PCDHGA6: variants seen among roughly 807,000 people sequenced by gnomAD.
PCDHGA6 encodes the protein protocadherin gamma-A6.
A neutral mutation model predicts 60.6 loss-of-function variants in PCDHGA6; 41 were observed. The observed-to-expected ratio is 0.68, with a 90% CI of 0.53 to 0.88. PCDHGA6 has a LOEUF of 0.88. PCDHGA6 is among the 40% of genes least tolerant of loss of function. The pLI is 0.00. For missense variants in PCDHGA6, 1,312 were observed against 1,203.0 expected (o/e 1.09, Z -1.34); for synonymous variants, 594 against 524.4 (o/e 1.13, Z -1.81).
At chr5:141,471,185 A>G (rs58340688) in intron 1 of PCDHGA6, 16,257 of 151,174 alleles carry the variant, frequency 0.11, 890 homozygotes, top group South Asian at 0.15. Context: ...TAGTAGCTGG[A>G]ATTACAGGCA....
chr5:141,413,194 C>T lies in PCDHGA6; in HGVS notation c.2424+36687C>T, dbSNP rs749749411. ...GACTACAATGGCCGCTCAAAGGAAT[C>T]GCTCAAAGGAATCAAAGGATTGCAG... On this transcript the variant is annotated intron_variant, in intron 1 of 3. Coordinates refer to ENST00000517434, the MANE Select transcript of PCDHGA6 (RefSeq NM_018919.3). 5.3e-5 allele frequency: 85 copies of T among 1,607,784 alleles called. No individual in the cohort carries two copies. Among genetic ancestry groups the T allele is most frequent in the Non-Finnish European group, 7.0e-5 (82 of 1,176,492 alleles).
chr5:141,501,290 TACACACACAC>T (rs55762287), intron 2 of PCDHGA6, among the ~76,000 whole-genome samples: 44 of 136,248 alleles, frequency 3.2e-4, no homozygotes, highest in Admixed American at 7.8e-4. Context: ...TATTCCCTTA[TACACACACAC>T]ACACACACAC....
At chr5:141,459,136 T>C (rs1044347522) in intron 1 of PCDHGA6, among the ~76,000 whole-genome samples, 2 of 152,224 alleles carry the variant, frequency 1.3e-5, no homozygotes, top group Non-Finnish European at 2.9e-5. Context: ...GTAACCACCA[T>C]GCAATCAAAA....
At chr5:141,387,557 G>A in intron 1 of PCDHGA6, 1 of 416,144 alleles carries the variant, frequency 2.4e-6, no homozygotes. Flanking sequence ...TTTCAGTTAG[G>A]CACACAATTA....
At position 141,511,426 on chromosome 5, in the gene PCDHGA6, G is replaced by C. The variant is rs2099883789; in HGVS notation, c.*253G>C. 2.5e-6 allele frequency: 2 copies of C among 798,652 alleles called. No homozygotes were observed. The highest frequency in any genetic ancestry group is 3.8e-6 in the Non-Finnish European group (2 of 529,972). 49.5% of individuals were successfully genotyped at this position (798,652 alleles called of 1,614,324 possible). ...CAACTGCTGTACCCATGGGGGTAGTGGGGTTACTGTAGACACCAAGAACCA... is the reference window on the plus strand; with the variant it reads ...CAACTGCTGTACCCATGGGGGTAGTCGGGTTACTGTAGACACCAAGAACCA... On this transcript the variant is annotated 3_prime_UTR_variant, in exon 4 of 4. Transcript: ENST00000517434.
chr5:141,450,828 TA>T lies in PCDHGA6; in HGVS notation c.2425-43978del, dbSNP rs1427656987. Among the ~76,000 whole-genome samples the T allele has an allele frequency of 7.8e-4, 110 of 141,058 alleles. 1 individual carries two copies. The highest frequency in any genetic ancestry group is 1.8e-3 in the African/African-American group (65 of 36,868). The allele number at this position is 141,058 out of a possible 152,430, so 92.5% of individuals were successfully genotyped here. A position where few individuals can be genotyped will look rare whatever the true frequency, so the allele number is the denominator to read the frequency against. ...TTTATTTATTTAATATTATTATTAT[TA>T]TTTTTTTTTTTTTGAGATGGGGTCT... On this transcript the variant is annotated intron_variant, in intron 1 of 3. Transcript: ENST00000517434.
At chr5:141,474,212 C>T (rs892802269) in intron 1 of PCDHGA6, among the ~76,000 whole-genome samples, 5 of 152,078 alleles carry the variant, frequency 3.3e-5, no homozygotes, top group African/African-American at 1.2e-4. Flanking sequence ...TTTCAAAAAC[C>T]AGATTGTGAA....
At chr5:141,427,056 T>C (rs1472513807) in intron 1 of PCDHGA6, 1 of 457,676 alleles carries the variant, frequency 2.2e-6, no homozygotes, top group Non-Finnish European at 4.4e-6. Flanking sequence ...CCCAGGCACC[T>C]CTGTACTAAA....
Position 141,450,830 on chromosome 5 carries a change from T to TTA in PCDHGA6, c.2425-43976_2425-43975insAT, listed in dbSNP as rs200967731. 4.3e-3 allele frequency among the ~76,000 whole-genome samples: 438 copies of TTA among 101,540 alleles called. 3 individuals carry two copies. Among genetic ancestry groups the TTA allele is most frequent in the African/African-American group, 0.015 (349 of 23,046 alleles). 66.6% of individuals were successfully genotyped at this position (101,540 alleles called of 152,430 possible). ...TATTTATTTAATATTATTATTATTA[T>TTA]TTTTTTTTTTTTGAGATGGGGTCTT... On this transcript the variant is annotated intron_variant, in intron 1 of 3. Transcript: ENST00000517434.
chr5:141,481,842 T>C (rs1402237517), intron 1 of PCDHGA6, among the ~76,000 whole-genome samples: 1 of 144,038 alleles, frequency 6.9e-6, no homozygotes, highest in Non-Finnish European at 1.5e-5. Flanking sequence ...AATCGCTTGA[T>C]GGTGGAGGTT....
intron 1 of PCDHGA6, among the ~76,000 whole-genome samples, chr5:141,446,571 G>C (rs1460375061): frequency 2.0e-5 from 3 of 152,058 alleles, no homozygotes; most frequent in African/African-American, 7.2e-5. Flanking sequence ...CTGCCTCCCA[G>C]GTTCAAGTGA....
At chr5:141,393,377 AGC>A (rs1313389663) in intron 1 of PCDHGA6, 1 of 1,613,966 alleles carries the variant, frequency 6.2e-7, no homozygotes, top group Admixed American at 1.7e-5. Context: ...GAGACAATGG[AGC>A]CATAAACCCA....
Position 141,376,289 on chromosome 5 carries a change from C to G in PCDHGA6, c.2206C>G (p.Pro736Ala), listed in dbSNP as rs778496260. 2.5e-6 allele frequency: 4 copies of G among 1,614,176 alleles called. No individual in the cohort carries two copies. Among genetic ancestry groups the G allele is most frequent in the African/African-American group, 2.7e-5 (2 of 75,056 alleles). ...QASGGGLASM[P>A]GSHFVGVEGV... ...TTCGGGAGGTGGCTTAGCGAGCATG[C>G]CCGGCTCGCACTTTGTGGGCGTGGA... The change falls in exon 1 of 4, where the codon CCC (proline) becomes GCC (alanine). Residue 736 changes from proline to alanine, a missense_variant. Coordinates refer to ENST00000517434, the MANE Select transcript of PCDHGA6 (RefSeq NM_018919.3).
intron 1 of PCDHGA6, chr5:141,414,158 G>C: frequency 6.2e-7 from 1 of 1,602,572 alleles, no homozygotes; most frequent in Non-Finnish European, 8.5e-7. Context: ...GCAGAAGATG[G>C]AGGAGCATAT....
chr5:141,499,104 C>A (rs2099789508), intron 2 of PCDHGA6, among the ~76,000 whole-genome samples: 1 of 152,120 alleles, frequency 6.6e-6, no homozygotes, highest in African/African-American at 2.4e-5. Flanking sequence ...CTTCTCCTCC[C>A]CACCACTATC....
chr5:141,490,405 ATC>A lies in PCDHGA6; in HGVS notation c.2425-4397_2425-4396del, dbSNP rs765446736. 1 of 1,614,142 alleles carries A rather than the reference ATC, an allele frequency of 6.2e-7. No individual in the cohort carries two copies. The highest frequency in any genetic ancestry group is 8.5e-7 in the Non-Finnish European group (1 of 1,180,028). ...TAGAAATGGTGAAGTGAGCCTTGATATCTCTCCGGACCTGCCATTTCAGATTA... is the reference window on the plus strand; with the variant it reads ...TAGAAATGGTGAAGTGAGCCTTGATATCTCCGGACCTGCCATTTCAGATTA... On this transcript the variant is annotated intron_variant, in intron 1 of 3. Transcript: ENST00000517434. The surrounding 1 kb of genome is among the most constrained non-coding windows in gnomAD (Gnocchi z 5.4).
In PCDHGA6 at chr5:141,409,757, G is replaced by T. The variant is rs376391018; in HGVS notation, c.2424+33250G>T. On this transcript the variant is annotated intron_variant, in intron 1 of 3. Coordinates refer to ENST00000517434, the MANE Select transcript of PCDHGA6 (RefSeq NM_018919.3). ...GAGCGGGGTGGTGTTCGCGCAGCGC[G>T]CCTTTGATCACGAGCAGCTGCGCGC... is the stretch of plus-strand genomic sequence containing the variant. 5 of 1,612,868 alleles carry T rather than the reference G, an allele frequency of 3.1e-6. No homozygotes were observed. In the East Asian group the frequency reaches 6.7e-5, roughly 22 times the overall value.
At chr5:141,474,345 G>A (rs541613646) in intron 1 of PCDHGA6, among the ~76,000 whole-genome samples, 7 of 152,124 alleles carry the variant, frequency 4.6e-5, no homozygotes, top group African/African-American at 7.2e-5. Flanking sequence ...TTGTTAAAAT[G>A]TAAGTCATGT....
At chr5:141,433,655 G>T (rs1227358856) in intron 1 of PCDHGA6, among the ~76,000 whole-genome samples, 2 of 152,036 alleles carry the variant, frequency 1.3e-5, no homozygotes, top group Non-Finnish European at 1.5e-5. Flanking sequence ...GACCAACATG[G>T]AGAAACCCCG....
Sources: gnomAD v4.1 joint callset for allele counts (sites outside exome capture counted in the v4.1 genomes callset) on GRCh38, gnomAD v4.1.1 for gene constraint, Gnocchi (gnomAD v3.1) non-coding constraint, MANE v1.5 for transcripts, NCBI Gene and HGNC (gene_info 2026-07-23, HGNC 2026-07-21) for gene names.